The following RBFOX1 variants were observed in gnomAD, a reference collection of about 807,000 sequenced individuals.
The protein encoded by RBFOX1 is RNA binding protein fox-1 homolog 1.
In RBFOX1, 8 loss-of-function variants were observed where a neutral mutation model predicts 57.7. The observed-to-expected ratio is 0.14, with a 90% confidence interval of 0.08 to 0.25. The LOEUF is 0.25. Ranked by LOEUF, RBFOX1 falls within the 10% of genes least tolerant of loss-of-function variation. The pLI, the probability that RBFOX1 is intolerant of heterozygous loss-of-function variation, is 1.00. For synonymous variants in RBFOX1, 326 were observed against 222.4 expected (o/e 1.47, Z -4.15); for missense variants, 611 against 548.5 (o/e 1.11, Z -1.14).
At chr16:5,370,542 G>T (rs905156988) in intron 1 of RBFOX1, among the ~76,000 whole-genome samples, 1 of 151,522 alleles carries the variant, frequency 6.6e-6, no homozygotes, top group African/African-American at 2.4e-5. Context: ...ACCCAGGATG[G>T]AATGCAGCAG....
intron 2 of RBFOX1, among the ~76,000 whole-genome samples, chr16:6,512,725 C>T (rs1482118177): frequency 1.3e-5 from 2 of 152,122 alleles, no homozygotes; most frequent in East Asian, 1.9e-4. Flanking sequence ...GAGACCGTGA[C>T]GTCACTGTCT....
intron 2 of RBFOX1, among the ~76,000 whole-genome samples, chr16:5,591,565 T>C (rs2047008838): frequency 6.6e-6 from 1 of 152,184 alleles, no homozygotes; most frequent in Non-Finnish European, 1.5e-5. Context: ...ATGAGCCTTT[T>C]AAAAAATATC....
At chr16:5,852,454 A>C (rs1002579373) in intron 3 of RBFOX1, among the ~76,000 whole-genome samples, 2 of 152,194 alleles carry the variant, frequency 1.3e-5, no homozygotes, top group Non-Finnish European at 2.9e-5. Context: ...GGGAGCTTGC[A>C]CACCCTGAAG....
In RBFOX1 at chr16:7,710,804, G is replaced by A. The variant is rs2083893900; in HGVS notation, c.*59G>A. ...AGAAAGGAAGCTTTCCGAGGCCTGA[G>A]TATTGCAATACATGCAGTAGTACAT... On this transcript the variant is annotated 3_prime_UTR_variant, in exon 16 of 16. Coordinates refer to ENST00000550418, the MANE Select transcript of RBFOX1 (RefSeq NM_018723.4). 1.4e-6 allele frequency: 2 copies of A among 1,396,696 alleles called. No homozygotes were observed. Among genetic ancestry groups the A allele is most frequent in the Admixed American group, 5.3e-5 (2 of 37,580 alleles). The allele number at this position is 1,396,696 out of a possible 1,614,324, so 86.5% of individuals were successfully genotyped here.
At chr16:5,684,056 A>T (rs939516825) in intron 3 of RBFOX1, among the ~76,000 whole-genome samples, 1 of 152,022 alleles carries the variant, frequency 6.6e-6, no homozygotes, top group African/African-American at 2.4e-5. Flanking sequence ...ACTGGTGATT[A>T]AAAAAATTAA....
At chr16:6,774,026 T>G (rs546670665) in intron 3 of RBFOX1, 3 of 984,596 alleles carry the variant, frequency 3.0e-6, no homozygotes, top group East Asian at 1.1e-4. Context: ...AATCACAGTT[T>G]GCTTTTTCTA....
chr16:7,006,608 C>A (rs1257975850), intron 3 of RBFOX1, among the ~76,000 whole-genome samples: 1 of 152,030 alleles, frequency 6.6e-6, no homozygotes, highest in East Asian at 1.9e-4. Flanking sequence ...AACCACCACA[C>A]CTGGCTTGGT....
intron 4 of RBFOX1, among the ~76,000 whole-genome samples, chr16:7,325,984 A>G (rs1343550589): frequency 1.3e-5 from 2 of 152,168 alleles, no homozygotes; most frequent in Non-Finnish European, 1.5e-5. Context: ...CCCTAGTGTC[A>G]TCATTCTTGA....
intron 4 of RBFOX1, among the ~76,000 whole-genome samples, chr16:7,057,029 G>GAA (rs36083057): frequency 0.14 from 19,191 of 136,444 alleles, 1,303 homozygotes; most frequent in East Asian, 0.17. Flanking sequence ...TTAAAGCACT[G>GAA]AAAAAAAAAA....
chr16:5,668,391 C>T (rs926332266), intron 3 of RBFOX1, among the ~76,000 whole-genome samples: 4 of 152,166 alleles, frequency 2.6e-5, no homozygotes, highest in Non-Finnish European at 5.9e-5. Context: ...TTTTCCCGAC[C>T]TTAACACAGA....
chr16:6,555,242 A>G (rs2097076657), intron 2 of RBFOX1, among the ~76,000 whole-genome samples: 1 of 152,316 alleles, frequency 6.6e-6, no homozygotes, highest in Non-Finnish European at 1.5e-5. Flanking sequence ...CCAAGTATAC[A>G]AAGCCTGTCT....
intron 3 of RBFOX1, among the ~76,000 whole-genome samples, chr16:6,698,766 C>T (rs531643321): frequency 6.6e-6 from 1 of 152,284 alleles, no homozygotes; most frequent in South Asian, 2.1e-4. Flanking sequence ...TTTCCTCCCC[C>T]ACGGTTTGAC....
intron 4 of RBFOX1, among the ~76,000 whole-genome samples, chr16:5,870,257 A>T (rs2057437627): frequency 6.6e-6 from 1 of 151,400 alleles, no homozygotes; most frequent in Non-Finnish European, 1.5e-5. Context: ...AAAGGGACCT[A>T]ATGGGAATGT....
intron 3 of RBFOX1, among the ~76,000 whole-genome samples, chr16:6,681,830 C>G (rs750568714): frequency 4.6e-5 from 7 of 152,192 alleles, no homozygotes; most frequent in Non-Finnish European, 8.8e-5. Context: ...AGCCGGGATA[C>G]TCTAAAGACA....
chr16:5,877,944 A>G (rs896259761), intron 4 of RBFOX1, among the ~76,000 whole-genome samples: 1 of 152,206 alleles, frequency 6.6e-6, no homozygotes, highest in Non-Finnish European at 1.5e-5. Context: ...GCTAGTCCTC[A>G]ATTTGGTCCA....
chr16:6,454,873 T>G (rs2094724383), intron 2 of RBFOX1, among the ~76,000 whole-genome samples: 1 of 123,950 alleles, frequency 8.1e-6, no homozygotes, highest in Non-Finnish European at 1.7e-5. Flanking sequence ...TTTTTTTTTT[T>G]TTTTTTTTTT....
chr16:7,236,065 T>C (rs2093751353), intron 4 of RBFOX1, among the ~76,000 whole-genome samples: 1 of 152,232 alleles, frequency 6.6e-6, no homozygotes, highest in Admixed American at 6.5e-5. Context: ...AGATCCTGGT[T>C]ATTGTCTATC....
chr16:7,473,953 A>C (rs1046285854), intron 4 of RBFOX1, among the ~76,000 whole-genome samples: 1 of 152,158 alleles, frequency 6.6e-6, no homozygotes, highest in Non-Finnish European at 1.5e-5. Context: ...ACTGGCAAGC[A>C]ATCGAGACGT....
intron 4 of RBFOX1, among the ~76,000 whole-genome samples, chr16:7,391,718 G>A (rs2098027300): frequency 6.6e-6 from 1 of 152,164 alleles, no homozygotes; most frequent in African/African-American, 2.4e-5. Context: ...GACCAAATGT[G>A]TTTTTTCTTC....
Sources: allele counts gnomAD v4.1 joint callset (sites outside exome capture counted in the v4.1 genomes callset), GRCh38; gene constraint gnomAD v4.1.1; transcripts MANE v1.5; gene names NCBI Gene and HGNC (gene_info 2026-07-23, HGNC 2026-07-21).